Variants in NLGN1 observed in about 807,000 individuals in gnomAD.
NLGN1 encodes neuroligin 1, also known as neuroligin-1.
Under a neutral mutation model 65.5 loss-of-function variants are expected in NLGN1, and 12 were observed. That is an observed-to-expected ratio of 0.18 (90% CI 0.12 to 0.30). The LOEUF (loss-of-function observed/expected upper bound fraction) is 0.30, where lower values mean the gene tolerates loss of function less well. Ranked by LOEUF, NLGN1 falls within the 10% of genes least tolerant of loss-of-function variation. The pLI is 1.00. For synonymous variants in NLGN1, 350 were observed against 359.5 expected, an observed-to-expected ratio of 0.97 and a Z score of 0.30; for missense variants, 750 against 1,007.1, an observed-to-expected ratio of 0.74 and a Z score of 3.46.
intron 4 of NLGN1, among the ~76,000 whole-genome samples, chr3:174,051,403 G>A (rs1734839331): frequency 6.6e-6 from 1 of 152,090 alleles, no homozygotes; most frequent in African/African-American, 2.4e-5. Context: ...TCTCATCTAT[G>A]TGGCTGGTCG....
chr3:173,970,029 A>C (rs1367695210), intron 4 of NLGN1, among the ~76,000 whole-genome samples: 1 of 152,130 alleles, frequency 6.6e-6, no homozygotes, highest in Non-Finnish European at 1.5e-5. Context: ...CTTGATATGC[A>C]TTAAGTATGT....
intron 4 of NLGN1, among the ~76,000 whole-genome samples, chr3:173,814,605 T>G (rs1344584644): frequency 3.9e-5 from 6 of 152,202 alleles, no homozygotes; most frequent in Admixed American, 3.9e-4. Context: ...TCAATTATTG[T>G]GGATGTTAGT....
chr3:173,966,606 C>T (rs754768725), intron 4 of NLGN1, among the ~76,000 whole-genome samples: 8 of 152,304 alleles, frequency 5.3e-5, no homozygotes, highest in Non-Finnish European at 1.0e-4. Context: ...ACACTGACTC[C>T]ATCCGCCTTG....
chr3:174,270,191 T>C, intron 4 of NLGN1, among the ~76,000 whole-genome samples: 1 of 151,058 alleles, frequency 6.6e-6, no homozygotes, highest in Non-Finnish European at 1.5e-5. Flanking sequence ...TTTATTTTTT[T>C]TTTTTTCCTG....
intron 4 of NLGN1, among the ~76,000 whole-genome samples, chr3:173,994,048 T>G (rs2152416883): frequency 6.6e-6 from 1 of 152,188 alleles, no homozygotes; most frequent in Middle Eastern, 3.4e-3. Context: ...CATAAAGGAT[T>G]TTGAATGTTT....
At chr3:173,965,633 A>G (rs375874094) in intron 4 of NLGN1, among the ~76,000 whole-genome samples, 2 of 152,174 alleles carry the variant, frequency 1.3e-5, no homozygotes, top group South Asian at 4.1e-4. Context: ...TTCCTAAAAC[A>G]TTTATTATCA....
chr3:173,691,458 A>C (rs1409553474), intron 3 of NLGN1, among the ~76,000 whole-genome samples: 1 of 152,042 alleles, frequency 6.6e-6, no homozygotes, highest in Non-Finnish European at 1.5e-5. Context: ...GCAGATTCTT[A>C]TTTACATCAT....
intron 4 of NLGN1, among the ~76,000 whole-genome samples, chr3:173,833,456 GT>G (rs1171584021): frequency 7.9e-5 from 12 of 151,542 alleles, no homozygotes; most frequent in Middle Eastern, 6.8e-3. Flanking sequence ...AAAAAAATTA[GT>G]TTTTTTTGTC....
chr3:174,105,163 A>G (rs1468223634), intron 4 of NLGN1, among the ~76,000 whole-genome samples: 1 of 152,116 alleles, frequency 6.6e-6, no homozygotes, highest in Non-Finnish European at 1.5e-5. Flanking sequence ...ATAGAAAGAC[A>G]TAATTTACGG....
intron 2 of NLGN1, among the ~76,000 whole-genome samples, chr3:173,451,586 C>G (rs1245470592): frequency 1.3e-5 from 2 of 152,188 alleles, no homozygotes; most frequent in African/African-American, 4.8e-5. Context: ...CTCTTCAAAG[C>G]TGTCAGACAG....
intron 3 of NLGN1, among the ~76,000 whole-genome samples, chr3:173,623,291 T>C (rs904611952): frequency 4.6e-5 from 7 of 151,816 alleles, no homozygotes; most frequent in African/African-American, 1.7e-4. Flanking sequence ...TCAGTCTGAT[T>C]GGAAAAGAAG....
chr3:173,776,191 G>C (rs193259570), intron 3 of NLGN1, among the ~76,000 whole-genome samples: 1 of 151,866 alleles, frequency 6.6e-6, no homozygotes, highest in Non-Finnish European at 1.5e-5. Context: ...TCCAAATATC[G>C]GGGTAATGAA....
intron 2 of NLGN1, among the ~76,000 whole-genome samples, chr3:173,551,070 TA>T (rs1162669711): frequency 2.0e-5 from 3 of 152,170 alleles, no homozygotes; most frequent in Non-Finnish European, 4.4e-5. Context: ...CTGGTTCTTC[TA>T]ATCACTTCTA....
At chr3:173,823,355 T>C (rs1022562353) in intron 4 of NLGN1, among the ~76,000 whole-genome samples, 15 of 152,080 alleles carry the variant, frequency 9.9e-5, no homozygotes, top group African/African-American at 3.6e-4. Context: ...ATAAAATTAG[T>C]TTTAAATCTT....
intron 2 of NLGN1, among the ~76,000 whole-genome samples, chr3:173,520,607 A>T (rs546842142): frequency 6.6e-6 from 1 of 152,302 alleles, no homozygotes; most frequent in South Asian, 2.1e-4. Flanking sequence ...TAGTAATAGG[A>T]CCATGAAAAA....
At chr3:173,635,279 A>ATTTCAG (rs1436144629) in intron 3 of NLGN1, among the ~76,000 whole-genome samples, 1 of 152,076 alleles carries the variant, frequency 6.6e-6, no homozygotes, top group Non-Finnish European at 1.5e-5. Context: ...ATATTAAGTA[A>ATTTCAG]TTTCAGTTTA....
At chr3:174,207,659 T>C (rs1161730885) in intron 4 of NLGN1, among the ~76,000 whole-genome samples, 1 of 152,168 alleles carries the variant, frequency 6.6e-6, no homozygotes, top group Non-Finnish European at 1.5e-5. Context: ...ATCTCATTCT[T>C]CAAGTAAGAC....
Position 174,211,075 on chromosome 3 carries a change from G to A in NLGN1, c.647-64240G>A, listed in dbSNP as rs540847356. Among the ~76,000 whole-genome samples the A allele has an allele frequency of 2.9e-3, 449 of 152,250 alleles. 1 individual carries two copies. Among genetic ancestry groups the A allele is most frequent in the African/African-American group, 0.01 (426 of 41,548 alleles). ...GGAGTTTCTTCCTTCTGGTGGGTTC[G>A]TGGTCTCGCTCGCTCAGGAGTGAAG... is the stretch of plus-strand genomic sequence containing the variant. On this transcript the variant is annotated intron_variant, in intron 4 of 6. Transcript: ENST00000457714.
At chr3:174,067,203 C>T (rs1039118863) in intron 4 of NLGN1, among the ~76,000 whole-genome samples, 2 of 152,070 alleles carry the variant, frequency 1.3e-5, no homozygotes, top group African/African-American at 4.8e-5. Flanking sequence ...TCTTCCGTTG[C>T]TGAGAGACTG....
Sources: allele counts gnomAD v4.1 joint callset (sites outside exome capture counted in the v4.1 genomes callset), GRCh38; gene constraint gnomAD v4.1.1; transcripts MANE v1.5; gene names NCBI Gene and HGNC (gene_info 2026-07-23, HGNC 2026-07-21).